PDXK: variants seen among roughly 807,000 people sequenced by gnomAD.
PDXK encodes the protein epididymis secretory sperm binding protein Li 1a.
Under a neutral mutation model 43.2 loss-of-function variants are expected in PDXK, and 15 were observed. The ratio of observed to expected loss-of-function variants is 0.35; its 90% CI spans 0.23 to 0.53. The LOEUF is 0.53. Among genes scored for constraint, PDXK ranks in the 20% least tolerant of loss-of-function variants. The probability of loss-of-function intolerance (pLI) is 0.92; values close to 1 mark genes in which losing one functional copy is unlikely to be tolerated. For missense variants in PDXK, 343 were observed against 417.0 expected (o/e 0.82, Z 1.54); for synonymous variants, 172 against 165.4 (o/e 1.04, Z -0.31).
rs2147234671 is a variant in PDXK, at chr21:43,734,628, T to C, written c.142+505T>C. Among the ~76,000 whole-genome samples the C allele has an allele frequency of 6.6e-6, 1 of 152,242 alleles. No homozygotes were observed. The highest frequency in any genetic ancestry group is 1.9e-4 in the East Asian group (1 of 5,174). Reference sequence around the variant, plus strand: ...GGGTTTTCTCTGTTAACAGCAGTGCTGCAGGGCCCCGTGTGTGCCTCTGTC... The same window carrying C: ...GGGTTTTCTCTGTTAACAGCAGTGCCGCAGGGCCCCGTGTGTGCCTCTGTC... On this transcript the variant is annotated intron_variant, in intron 2 of 10. Transcript: ENST00000291565. This position sits in a 1 kb window ranked among gnomAD's most constrained non-coding sequence, Gnocchi z 5.0.
chr21:43,729,245 G>T (rs1312405798), intron 1 of PDXK, among the ~76,000 whole-genome samples: 1 of 152,280 alleles, frequency 6.6e-6, no homozygotes, highest in Non-Finnish European at 1.5e-5. Flanking sequence ...TGGCAGCAGT[G>T]GGTTTGTCAG....
chr21:43,744,770 A>G (rs756553670), intron 4 of PDXK: 15 of 152,402 alleles, frequency 9.8e-5, no homozygotes, highest in African/African-American at 3.6e-4. Flanking sequence ...CTGCGCATGT[A>G]TCCGAAATAG....
chr21:43,748,937 C>T, intron 5 of PDXK, 58 bp from the exon 6 acceptor site: 1 of 1,092,726 alleles, frequency 9.2e-7, no homozygotes, highest in Non-Finnish European at 1.4e-6. Flanking sequence ...CTCCGCGCCC[C>T]CTGGCGTGCT....
At chr21:43,733,827 G>A (rs2083359993) in intron 1 of PDXK, 1 of 687,406 alleles carries the variant, frequency 1.5e-6, no homozygotes, top group Non-Finnish European at 2.4e-6. Context: ...TGCCCTCCCG[G>A]GCTGGTTGCT....
At position 43,719,341 on chromosome 21, in the gene PDXK, G is replaced by C. The variant is rs1262049568; in HGVS notation, c.47G>C (p.Arg16Pro). 1 of 1,525,248 alleles carries C rather than the reference G, an allele frequency of 6.6e-7. No individual in the cohort carries two copies. The highest frequency in any genetic ancestry group is 2.0e-5 in the Admixed American group (1 of 49,606). 94.5% of individuals were successfully genotyped at this position (1,525,248 alleles called of 1,614,324 possible). A position where few individuals can be genotyped will look rare whatever the true frequency, so the allele number is the denominator to read the frequency against. ...RVLSIQSHVIRGYVGNRAATF... is the reference protein window; with the variant it reads ...RVLSIQSHVIPGYVGNRAATF... ...CTCTCCATACAGAGCCACGTCATCC[G>C]CGGCTACGTGGGCAACCGGGCGGCC... The change falls in exon 1 of 11, where the codon CGC becomes CCC. Residue 16 changes from arginine to proline, a missense_variant. Arg to Pro is a moderately radical substitution (Grantham distance 103). Coordinates refer to ENST00000291565, the MANE Select transcript of PDXK (RefSeq NM_003681.5).
intron 1 of PDXK, among the ~76,000 whole-genome samples, chr21:43,731,165 C>T (rs2838358): frequency 0.73 from 110,457 of 152,032 alleles, 40,553 homozygotes; most frequent in South Asian, 0.83. Context: ...AATGACTCTA[C>T]GTAAAACTGA....
In PDXK at chr21:43,734,208, G is replaced by A; in HGVS notation, c.142+85G>A. The A allele has an allele frequency of 7.9e-7, 1 of 1,266,094 alleles. No homozygotes were observed. Among genetic ancestry groups the A allele is most frequent in the Non-Finnish European group, 1.1e-6 (1 of 879,798 alleles). 78.4% of individuals were successfully genotyped at this position (1,266,094 alleles called of 1,614,324 possible). A position where few individuals can be genotyped will look rare whatever the true frequency, so the allele number is the denominator to read the frequency against. ...GAGTGTGGGTGTGAGGGACGGGGCG[G>A]AGTGTGGGTGTGAGGGACGGGGCTT... is the stretch of plus-strand genomic sequence containing the variant. On this transcript the variant is annotated intron_variant, in intron 2 of 10. Coordinates refer to ENST00000291565, the MANE Select transcript of PDXK (RefSeq NM_003681.5). The surrounding 1 kb of genome is among the most constrained non-coding windows in gnomAD (Gnocchi z 5.0).
chr21:43,731,676 C>T (rs1007269182), intron 1 of PDXK, among the ~76,000 whole-genome samples: 3 of 148,600 alleles, frequency 2.0e-5, no homozygotes, highest in Non-Finnish European at 2.9e-5. Context: ...AGCCCAGCAG[C>T]CCGCTGGGCT....
At chr21:43,740,102 A>G (rs1211148238) in intron 2 of PDXK, among the ~76,000 whole-genome samples, 1 of 152,170 alleles carries the variant, frequency 6.6e-6, no homozygotes, top group East Asian at 1.9e-4. Context: ...TGTCCCGGGC[A>G]GAGTACAGGG....
chr21:43,719,476 G>A (rs2083188171), intron 1 of PDXK, 95 bp downstream of exon 1: 2 of 1,340,090 alleles, frequency 1.5e-6, no homozygotes, highest in South Asian at 1.4e-5. Flanking sequence ...AGGGAGGCTC[G>A]GGAGCTGCGG....
chr21:43,719,614 G>C (rs2083189644), intron 1 of PDXK: 1 of 985,294 alleles, frequency 1.0e-6, no homozygotes, highest in Non-Finnish European at 1.2e-6. Context: ...GTCCGGCGTC[G>C]GGGTACGCGG....
chr21:43,720,641 C>G (rs1046296594), intron 1 of PDXK, among the ~76,000 whole-genome samples: 2 of 152,146 alleles, frequency 1.3e-5, no homozygotes, highest in Non-Finnish European at 2.9e-5. Flanking sequence ...GTGGCTCCGG[C>G]TCTTAAGCAC....
At chr21:43,733,947 G>A (rs1284501026) in intron 1 of PDXK, 122 bp from the exon 2 acceptor site, 1 of 933,192 alleles carries the variant, frequency 1.1e-6, no homozygotes, top group African/African-American at 1.6e-5. Flanking sequence ...CCAGCCTGCA[G>A]CTGGGGGCCC....
At chr21:43,744,645 A>C (rs1352502180) in intron 4 of PDXK, 3 of 152,278 alleles carry the variant, frequency 2.0e-5, no homozygotes, top group African/African-American at 7.2e-5. Flanking sequence ...GCGAGGATGC[A>C]GAAACCCTCA....
intron 1 of PDXK, chr21:43,728,862 C>T (rs1226005926): frequency 1.0e-6 from 1 of 985,614 alleles, no homozygotes; most frequent in East Asian, 1.1e-4. Context: ...GCTGCGGCCC[C>T]CGCAGGAAGT....
Position 43,750,918 on chromosome 21 carries a change from GCA to G in PDXK, c.510+374_510+375del, listed in dbSNP as rs765285103. On this transcript the variant is annotated intron_variant, in intron 7 of 10. Transcript: ENST00000291565. ...TGGGCATGGGTGTGCACGCATGTGT[GCA>G]TGTGTGTGCGTATGTGTGCACGTGT... Among the ~76,000 whole-genome samples, 121 of 66,812 alleles carry G rather than the reference GCA, an allele frequency of 1.8e-3. 1 individual carries two copies. The highest frequency in any genetic ancestry group is 4.9e-3 in the Admixed American group (27 of 5,474). The allele number at this position is 66,812 out of a possible 152,430, so 43.8% of individuals were successfully genotyped here. A position where few individuals can be genotyped will look rare whatever the true frequency, so the allele number is the denominator to read the frequency against.
chr21:43,723,794 T>C lies in PDXK; in HGVS notation c.87+4413T>C, dbSNP rs4819303. The C allele has an allele frequency of 0.74, 112,131 of 152,192 alleles. 41,719 individuals carry two copies. The highest frequency in any genetic ancestry group is 0.83 in the South Asian group (4,009 of 4,822). The allele number at this position is 152,192 out of a possible 1,614,324, so 9.4% of individuals were successfully genotyped here. A position where few individuals can be genotyped will look rare whatever the true frequency, so the allele number is the denominator to read the frequency against. ...TAGTAGATTCCCGCTGGCTGGGTGA[T>C]ATCCGTGTCCTTCATCTGTCAGCCT... On this transcript the variant is annotated intron_variant, in intron 1 of 10. Coordinates refer to ENST00000291565, the MANE Select transcript of PDXK (RefSeq NM_003681.5). The surrounding 1 kb of genome is among the most constrained non-coding windows in gnomAD (Gnocchi z 4.1).
intron 1 of PDXK, chr21:43,719,852 GC>G (rs1232660741): frequency 1.0e-6 from 1 of 985,374 alleles, no homozygotes; most frequent in Admixed American, 6.1e-5. Flanking sequence ...CACCTCCTGG[GC>G]CCCTGTGCGT....
intron 4 of PDXK, among the ~76,000 whole-genome samples, chr21:43,745,143 G>A (rs980663572): frequency 6.6e-6 from 1 of 152,188 alleles, no homozygotes; most frequent in Non-Finnish European, 1.5e-5. Flanking sequence ...ACGGAGGCTC[G>A]GTGTGGTGGC....
Sources: gnomAD v4.1 joint callset for allele counts (sites outside exome capture counted in the v4.1 genomes callset) on GRCh38, gnomAD v4.1.1 for gene constraint, Gnocchi (gnomAD v3.1) non-coding constraint, MANE v1.5 for transcripts, NCBI Gene and HGNC (gene_info 2026-07-23, HGNC 2026-07-21) for gene names.